The following TRAM1 variants were observed in gnomAD, a reference collection of about 807,000 sequenced individuals.
TRAM1 encodes the protein translocation associated membrane protein 1, also known as translocating chain-associated membrane protein 1.
In TRAM1, 17 loss-of-function variants were observed where a neutral mutation model predicts 48.7. The observed-to-expected ratio is 0.35, with a 90% CI of 0.24 to 0.52. The LOEUF (loss-of-function observed/expected upper bound fraction) is 0.52, where lower values mean the gene tolerates loss of function less well. Ranked by LOEUF, TRAM1 falls within the 20% of genes least tolerant of loss-of-function variation. The pLI is 0.94. For synonymous variants in TRAM1, 182 were observed against 154.0 expected (o/e 1.18, Z -1.34); for missense variants, 351 against 441.5 (o/e 0.79, Z 1.84).
intron 9 of TRAM1, 21 bp from the exon 10 acceptor site, chr8:70,583,345 A>C (rs1817124947): frequency 6.2e-7 from 1 of 1,606,846 alleles, no homozygotes; most frequent in Non-Finnish European, 8.5e-7. Context: ...TTAAGACATA[A>C]AAAGTTAGTG....
At chr8:70,601,786 A>C (rs1483204717) in intron 1 of TRAM1, among the ~76,000 whole-genome samples, 4 of 152,232 alleles carry the variant, frequency 2.6e-5, no homozygotes, top group Non-Finnish European at 5.9e-5. Context: ...TAGAAGAAAG[A>C]GTACAAGGTT....
chr8:70,589,327 G>C (rs1005137668), intron 6 of TRAM1, among the ~76,000 whole-genome samples: 4 of 152,186 alleles, frequency 2.6e-5, no homozygotes, highest in Non-Finnish European at 4.4e-5. Context: ...AAAGGAAGGA[G>C]AAAGGGTGTT....
At chr8:70,596,699 C>T (rs1817493908) in intron 4 of TRAM1, among the ~76,000 whole-genome samples, 1 of 151,778 alleles carries the variant, frequency 6.6e-6, no homozygotes. Context: ...AAGTTTGTAG[C>T]ATCTGACAGG....
At chr8:70,584,090 C>T (rs1230539144) in intron 8 of TRAM1, among the ~76,000 whole-genome samples, 2 of 152,050 alleles carry the variant, frequency 1.3e-5, no homozygotes, top group South Asian at 2.1e-4. Flanking sequence ...ATTTCTTATT[C>T]TGCAAAAAAG....
At chr8:70,601,680 C>T (rs1337371565) in intron 1 of TRAM1, among the ~76,000 whole-genome samples, 1 of 152,200 alleles carries the variant, frequency 6.6e-6, no homozygotes, top group Non-Finnish European at 1.5e-5. Context: ...AATGAAACTT[C>T]TGCAAGAGAC....
rs1266115186 is a variant in TRAM1, at chr8:70,582,948, G to T, written c.1051+216C>A. ...CATGGAAAACTTGTTAAAGAGAAAT[G>T]TGATGGACAGCTTTTGAGGGGAGTA... On this transcript the variant is annotated intron_variant, in intron 10 of 10. Coordinates refer to ENST00000262213, the MANE Select transcript of TRAM1 (RefSeq NM_014294.6). Among the ~76,000 whole-genome samples the T allele has an allele frequency of 9.8e-5, 15 of 152,328 alleles. 1 individual carries two copies. In the South Asian group the frequency reaches 2.5e-3, roughly 25 times the overall value.
rs1277631831 is a variant in TRAM1 at position 70,574,895 on chromosome 8, T to C, written c.*37A>G. On this transcript the variant is annotated 3_prime_UTR_variant, in exon 11 of 11. Coordinates refer to ENST00000262213, the MANE Select transcript of TRAM1 (RefSeq NM_014294.6). ...GCTGAAAGATATAGTAGAAAGCAGATTTCTTTGGGGACATTAATCAATTAG... is the reference window on the plus strand; with the variant it reads ...GCTGAAAGATATAGTAGAAAGCAGACTTCTTTGGGGACATTAATCAATTAG... 7.2e-7 allele frequency: 1 copy of C among 1,393,744 alleles called. No homozygotes were observed. Among genetic ancestry groups the C allele is most frequent in the Non-Finnish European group, 1.0e-6 (1 of 987,466 alleles). The allele number at this position is 1,393,744 out of a possible 1,614,324, so 86.3% of individuals were successfully genotyped here.
At chr8:70,605,416 T>C (rs543007353) in intron 1 of TRAM1, among the ~76,000 whole-genome samples, 1 of 152,316 alleles carries the variant, frequency 6.6e-6, no homozygotes, top group South Asian at 2.1e-4. Flanking sequence ...TGTATCTCCA[T>C]TGCTTCTTCA....
At chr8:70,578,557 C>A (rs1817009711) in intron 10 of TRAM1, among the ~76,000 whole-genome samples, 1 of 152,202 alleles carries the variant, frequency 6.6e-6, no homozygotes. Context: ...TGCTTGAGCC[C>A]ACAAGGTTGA....
chr8:70,576,025 C>G (rs138774226), intron 10 of TRAM1, among the ~76,000 whole-genome samples: 2,496 of 145,518 alleles, frequency 0.017, 59 homozygotes, highest in African/African-American at 0.06. Context: ...GAGCTGAGAT[C>G]GCGCCACTGC....
chr8:70,583,435 G>A (rs752154164), intron 9 of TRAM1, 111 bp from the exon 10 acceptor site: 5 of 1,340,064 alleles, frequency 3.7e-6, no homozygotes, highest in Non-Finnish European at 5.0e-6. Flanking sequence ...TGAGAAAATT[G>A]TATTAATAAT....
Position 70,574,942 on chromosome 8 carries a change from TTC to T in TRAM1, c.1113_1114del (p.Lys372IlefsTer11). 1.2e-6 allele frequency: 2 copies of T among 1,604,730 alleles called. No individual in the cohort carries two copies. Among genetic ancestry groups the T allele is most frequent in the Non-Finnish European group, 1.7e-6 (2 of 1,172,922 alleles). ...TTAGTTTATAATTCATTATGAAGAT[TTC>T]TCTTTTTTATTCCGGGGAGAGTCTG... On this transcript the variant is annotated frameshift_variant, in exon 11 of 11. Coordinates refer to ENST00000262213, the MANE Select transcript of TRAM1 (RefSeq NM_014294.6). LOFTEE classifies it high-confidence loss of function.
chr8:70,587,399 C>G (rs1817247636), intron 6 of TRAM1: 1 of 492,860 alleles, frequency 2.0e-6, no homozygotes. Context: ...AGTAGGAGAT[C>G]TGAAAGCTAT....
chr8:70,599,013 T>A (rs1319641110), intron 2 of TRAM1, among the ~76,000 whole-genome samples: 2 of 152,144 alleles, frequency 1.3e-5, no homozygotes. Flanking sequence ...ACCCCTGTAA[T>A]CCCAACACTT....
At chr8:70,602,831 A>G (rs1441756861) in intron 1 of TRAM1, among the ~76,000 whole-genome samples, 2 of 152,182 alleles carry the variant, frequency 1.3e-5, no homozygotes, top group Non-Finnish European at 2.9e-5. Context: ...AGGCAAAACA[A>G]TGAGGGGGCT....
chr8:70,576,720 TGA>T (rs1286378911), intron 10 of TRAM1, among the ~76,000 whole-genome samples: 4 of 152,142 alleles, frequency 2.6e-5, no homozygotes, highest in Non-Finnish European at 5.9e-5. Flanking sequence ...GGCTGTAGTG[TGA>T]GAGGTGCATC....
intron 10 of TRAM1, among the ~76,000 whole-genome samples, chr8:70,577,880 T>C (rs1816992131): frequency 6.6e-6 from 1 of 152,242 alleles, no homozygotes; most frequent in African/African-American, 2.4e-5. Flanking sequence ...GGAAGCCGCA[T>C]GCAGTACATC....
rs1253169904 is a variant in TRAM1 at position 70,574,289 on chromosome 8, C to T, written c.*643G>A. 5.1e-6 allele frequency: 2 copies of T among 395,332 alleles called. No homozygotes were observed. Among genetic ancestry groups the T allele is most frequent in the Non-Finnish European group, 9.7e-6 (2 of 206,422 alleles). 24.5% of individuals were successfully genotyped at this position (395,332 alleles called of 1,614,324 possible). On this transcript the variant is annotated 3_prime_UTR_variant, in exon 11 of 11. Coordinates refer to ENST00000262213, the MANE Select transcript of TRAM1 (RefSeq NM_014294.6). The stretch of plus-strand genomic sequence containing the variant: ...CTTCACAAGTACTTTTAAGAATATA[C>T]TTTGATTTAATATGTATGTTAGTAA...
intron 10 of TRAM1, among the ~76,000 whole-genome samples, chr8:70,582,378 T>C (rs1817098120): frequency 1.3e-5 from 2 of 151,368 alleles, no homozygotes; most frequent in Non-Finnish European, 2.9e-5. Flanking sequence ...CACTGTAACC[T>C]TGAACTCCTG....
Sources: allele counts gnomAD v4.1 joint callset (sites outside exome capture counted in the v4.1 genomes callset), GRCh38; gene constraint gnomAD v4.1.1; transcripts MANE v1.5; gene names NCBI Gene and HGNC (gene_info 2026-07-23, HGNC 2026-07-21).